CFAP251: variants seen among roughly 807,000 people sequenced by gnomAD.
The protein encoded by CFAP251 is cilia- and flagella-associated protein 251.
CFAP251 carries 93 observed loss-of-function variants against 126.7 expected under a neutral mutation model. That is an observed-to-expected ratio of 0.73 (90% CI 0.62 to 0.87). The LOEUF (loss-of-function observed/expected upper bound fraction) is 0.87. CFAP251 is among the 40% of genes least tolerant of loss of function. The pLI, the probability that CFAP251 is intolerant of heterozygous loss-of-function variation, is 0.00. For synonymous variants in CFAP251, 503 were observed against 506.9 expected (o/e 0.99, Z 0.10); for missense variants, 1,287 against 1,389.2 (o/e 0.93, Z 1.17).
intron 7 of CFAP251, among the ~76,000 whole-genome samples, chr12:121,943,478 A>G (rs1258850433): frequency 6.6e-6 from 1 of 152,098 alleles, no homozygotes; most frequent in Admixed American, 6.5e-5. Context: ...TCTGGAGTGC[A>G]ATGGCACGAT....
intron 19 of CFAP251, among the ~76,000 whole-genome samples, chr12:121,980,969 G>A (rs1166325445): frequency 3.9e-5 from 6 of 152,212 alleles, no homozygotes; most frequent in South Asian, 4.1e-4. Context: ...CTGCGCTCTC[G>A]TAGGGGTGTC....
rs535771497 is a variant in CFAP251, at chr12:121,962,154, A to G, written c.2484A>G (p.Lys828=). 6.2e-7 allele frequency: 1 copy of G among 1,613,148 alleles called. No individual in the cohort carries two copies. The highest frequency in any genetic ancestry group is 1.3e-5 in the African/African-American group (1 of 75,010). Residue 828 remains lysine, a synonymous_variant, in exon 15 of 22, where the codon AAA becomes AAG. Transcript: ENST00000288912. ...YKVKLFNATT[K]MCRKTLLGPA... is the part of the protein sequence containing the mutation. ...TGAAGCTTTTTAATGCTACTACCAA[A>G]ATGTGCAGGTAAGCACCCGGAGCTT... is the stretch of plus-strand genomic sequence containing the variant.
intron 20 of CFAP251, among the ~76,000 whole-genome samples, chr12:122,001,157 A>T (rs1883138606): frequency 6.6e-6 from 1 of 151,130 alleles, no homozygotes; most frequent in African/African-American, 2.4e-5. Flanking sequence ...CCAGGGTTCA[A>T]GCAATTCTCC....
chr12:121,946,635 T>C (rs2135769119), intron 7 of CFAP251, among the ~76,000 whole-genome samples: 1 of 152,320 alleles, frequency 6.6e-6, no homozygotes, highest in African/African-American at 2.4e-5. Flanking sequence ...TCTCACTCCA[T>C]CACCTAGGCT....
At position 121,974,918 on chromosome 12, in the gene CFAP251, CA is replaced by C. The variant is rs1882418529; in HGVS notation, c.2772-325del. Among the ~76,000 whole-genome samples, 1 of 152,148 alleles carries C rather than the reference CA, an allele frequency of 6.6e-6. No individual in the cohort carries two copies. The highest frequency in any genetic ancestry group is 2.1e-4 in the South Asian group (1 of 4,830). On this transcript the variant is annotated intron_variant, in intron 17 of 21. Transcript: ENST00000288912. The surrounding 1 kb of genome is among the most constrained non-coding windows in gnomAD (Gnocchi z 4.6). The stretch of plus-strand genomic sequence containing the variant: ...GCTCTGTCTGGGAGGATTGTGGTTT[CA>C]GAACACAGGATGCCTCCCCCACCCC...
rs756446943 is a variant in CFAP251, at chr12:121,960,587, T to TAGA, written c.2139_2141dup (p.Arg713dup). ...CCTTCTCTTTTGCTCATCTTCAGGA[T>TAGA]AGAAGTTTTACTGTGGCTGTTTACA... On this transcript the variant is annotated inframe_insertion, in exon 14 of 22. Transcript: ENST00000288912. The TAGA allele has an allele frequency of 5.6e-5, 91 of 1,614,002 alleles. No individual in the cohort carries two copies. The highest frequency in any genetic ancestry group is 7.5e-5 in the Non-Finnish European group (89 of 1,180,006).
chr12:121,997,254 C>A (rs1883040831), intron 19 of CFAP251: 1 of 152,168 alleles, frequency 6.6e-6, no homozygotes, highest in African/African-American at 2.4e-5. Context: ...CAACACCCGG[C>A]TCATTTTTGT....
At chr12:121,981,604 TCCTC>T (rs1882625236) in intron 19 of CFAP251, among the ~76,000 whole-genome samples, 1 of 152,108 alleles carries the variant, frequency 6.6e-6, no homozygotes. Flanking sequence ...AGGTGCCCCT[TCCTC>T]AGCCAGGGAG....
chr12:121,966,811 C>T (rs1049602044), intron 15 of CFAP251, 144 bp from the exon 16 acceptor site: 287 of 647,034 alleles, frequency 4.4e-4, no homozygotes, highest in Non-Finnish European at 6.8e-4. Context: ...GTCTCAAACT[C>T]CTGACCTTGT....
intron 19 of CFAP251, among the ~76,000 whole-genome samples, chr12:121,985,209 T>C (rs903096412): frequency 1.2e-4 from 18 of 152,172 alleles, no homozygotes; most frequent in African/African-American, 4.1e-4. Flanking sequence ...TAAAAATGTA[T>C]ATATCTTTTG....
Position 121,954,152 on chromosome 12 carries a change from G to C in CFAP251, c.1353G>C (p.Gln451His). The change falls in exon 10 of 22, where the codon CAG (glutamine) becomes CAC (histidine). Residue 451 changes from glutamine (Q) to histidine (H), a missense_variant. Physicochemically the swap from Gln to His is conservative, Grantham distance 24. Transcript: ENST00000288912. ...ACAAGCTTGTGGGAAAGTTTAGCCA[G>C]TCCATCTTTCACTTGAATTTAACAC... ...TFNKLVGKFS[Q>H]SIFHLNLTQI... 1 of 1,614,080 alleles carries C rather than the reference G, an allele frequency of 6.2e-7. No individual in the cohort carries two copies. The highest frequency in any genetic ancestry group is 1.1e-5 in the South Asian group (1 of 91,080).
At chr12:121,969,086 G>A in intron 17 of CFAP251, 1 of 985,336 alleles carries the variant, frequency 1.0e-6, no homozygotes, top group East Asian at 1.1e-4. Flanking sequence ...TGACGTTGAG[G>A]AGCAAAAACA....
chr12:121,928,559 G>A (rs1013780963), intron 3 of CFAP251, among the ~76,000 whole-genome samples: 2 of 148,796 alleles, frequency 1.3e-5, no homozygotes, highest in Non-Finnish European at 3.0e-5. Flanking sequence ...TCTTAGCAAC[G>A]CAACGCATCA....
At position 121,968,157 on chromosome 12, in the gene CFAP251, A is replaced by G; in HGVS notation, c.2759A>G (p.Lys920Arg). Residue 920 changes from lysine (K) to arginine (R), a missense_variant, in exon 17 of 22, where the codon AAA (lysine) becomes AGA (arginine). Lys to Arg is a conservative substitution (Grantham distance 26). Coordinates refer to ENST00000288912, the MANE Select transcript of CFAP251 (RefSeq NM_144668.6). ...CACGATCGCTCGGTGGTGCAGTGGA[A>G]AATCACCTTAAGGTACACGATGGGG... The part of the protein sequence containing the change: ...GGHDRSVVQW[K>R]ITLSVLEAAV... The G allele has an allele frequency of 6.2e-7, 1 of 1,606,062 alleles. No individual in the cohort carries two copies. Among genetic ancestry groups the G allele is most frequent in the Non-Finnish European group, 8.5e-7 (1 of 1,174,142 alleles).
At chr12:121,969,912 T>A (rs1882277590) in intron 17 of CFAP251, 1 of 985,328 alleles carries the variant, frequency 1.0e-6, no homozygotes, top group Admixed American at 6.1e-5. Flanking sequence ...TTCTGAGAAT[T>A]TCAATTTAAT....
intron 19 of CFAP251, among the ~76,000 whole-genome samples, chr12:121,976,816 G>C (rs1882471475): frequency 6.6e-6 from 1 of 152,180 alleles, no homozygotes; most frequent in South Asian, 2.1e-4. Context: ...GGCCATGGCA[G>C]GAGGATCACT....
At chr12:121,928,676 ATATATATATATACG>A in intron 3 of CFAP251, among the ~76,000 whole-genome samples, 1 of 42,786 alleles carries the variant, frequency 2.3e-5, no homozygotes, top group Non-Finnish European at 8.3e-5. Context: ...ATACGTATAT[ATATATATATATACG>A]TATATATATA....
intron 17 of CFAP251, 52 bp from the exon 18 acceptor site, chr12:121,975,192 C>T (rs915162604): frequency 2.6e-6 from 4 of 1,509,510 alleles, no homozygotes; most frequent in Non-Finnish European, 3.7e-6. Context: ...CCTTCTGAGC[C>T]ATGCTCATGC....
At chr12:121,951,941 C>T (rs1881544017) in intron 9 of CFAP251, among the ~76,000 whole-genome samples, 1 of 151,876 alleles carries the variant, frequency 6.6e-6, no homozygotes, top group Non-Finnish European at 1.5e-5. Context: ...CCAGGATGGT[C>T]TTGATCTCCT....
Sources: gnomAD v4.1 joint callset for allele counts (sites outside exome capture counted in the v4.1 genomes callset) on GRCh38, gnomAD v4.1.1 for gene constraint, Gnocchi (gnomAD v3.1) non-coding constraint, MANE v1.5 for transcripts, NCBI Gene and HGNC (gene_info 2026-07-23, HGNC 2026-07-21) for gene names.